NAV3: variants seen among roughly 807,000 people sequenced by gnomAD.
NAV3 encodes neuron navigator 3, also known as pore membrane and/or filament interacting like protein 1.
In NAV3, 87 loss-of-function variants were observed where a neutral mutation model predicts 244.7. The observed-to-expected ratio is 0.36, with a 90% CI of 0.30 to 0.42. The LOEUF (loss-of-function observed/expected upper bound fraction) is 0.42. NAV3 is among the 20% of genes least tolerant of loss of function. The probability of loss-of-function intolerance (pLI) is 1.00; values close to 1 mark genes in which losing one functional copy is unlikely to be tolerated. For missense variants in NAV3, 2,663 were observed against 2,893.3 expected (o/e 0.92, Z 1.83); for synonymous variants, 1,126 against 1,042.2 (o/e 1.08, Z -1.55).
At chr12:77,632,241 G>A (rs1413492021) in intron 2 of NAV3, among the ~76,000 whole-genome samples, 1 of 152,104 alleles carries the variant, frequency 6.6e-6, no homozygotes, top group African/African-American at 2.4e-5. Flanking sequence ...TGCTTTTGAT[G>A]TTCTTTGTAA....
intron 9 of NAV3, among the ~76,000 whole-genome samples, chr12:78,022,505 C>T (rs1455362754): frequency 6.6e-6 from 1 of 151,842 alleles, no homozygotes; most frequent in African/African-American, 2.4e-5. Context: ...AATATATTGC[C>T]CCTAAAGGGT....
chr12:78,114,392 A>C (rs1955263138), intron 12 of NAV3, among the ~76,000 whole-genome samples: 1 of 152,134 alleles, frequency 6.6e-6, no homozygotes, highest in South Asian at 2.1e-4. Context: ...GACATACCCA[A>C]GGCTGGGTAG....
intron 2 of NAV3, among the ~76,000 whole-genome samples, chr12:77,589,496 G>A (rs1022581686): frequency 7.2e-5 from 11 of 152,158 alleles, no homozygotes; most frequent in African/African-American, 2.7e-4. Context: ...GGGCTGGGGA[G>A]GCCTCAGGAA....
At chr12:77,909,833 A>G (rs543364366) in intron 1 of NAV3, among the ~76,000 whole-genome samples, 1 of 152,216 alleles carries the variant, frequency 6.6e-6, no homozygotes, top group South Asian at 2.1e-4. Context: ...TGGTATCACA[A>G]TTTACTTTAG....
At chr12:77,685,509 A>ACACACACC (rs1358509450) in intron 2 of NAV3, among the ~76,000 whole-genome samples, 1 of 150,460 alleles carries the variant, frequency 6.6e-6, no homozygotes, top group African/African-American at 2.5e-5. Context: ...ACACACACAT[A>ACACACACC]CCCACACGCA....
chr12:78,133,936 T>C (rs1410307621), intron 18 of NAV3, among the ~76,000 whole-genome samples: 1 of 152,188 alleles, frequency 6.6e-6, no homozygotes, highest in East Asian at 1.9e-4. Flanking sequence ...GAAGAGGTCA[T>C]AGTTCTTGTG....
intron 5 of NAV3, among the ~76,000 whole-genome samples, chr12:77,981,321 T>C (rs2136267083): frequency 6.6e-6 from 1 of 152,296 alleles, no homozygotes; most frequent in East Asian, 1.9e-4. Flanking sequence ...TTCTTAGTGC[T>C]AATAGCATGT....
chr12:77,734,110 T>A (rs1877238236), intron 2 of NAV3, among the ~76,000 whole-genome samples: 1 of 151,980 alleles, frequency 6.6e-6, no homozygotes, highest in Non-Finnish European at 1.5e-5. Flanking sequence ...TGGGATAGCA[T>A]CCAGAGTACA....
intron 2 of NAV3, among the ~76,000 whole-genome samples, chr12:77,766,151 G>A (rs191674151): frequency 1.3e-5 from 2 of 152,226 alleles, no homozygotes; most frequent in East Asian, 3.9e-4. Flanking sequence ...TCCCCTCCCA[G>A]CTAATAAAAA....
intron 2 of NAV3, among the ~76,000 whole-genome samples, chr12:77,716,176 A>G (rs1174079050): frequency 6.6e-6 from 1 of 152,012 alleles, no homozygotes; most frequent in East Asian, 1.9e-4. Flanking sequence ...TATTTTTTCT[A>G]AATAAGAGTT....
intron 1 of NAV3, among the ~76,000 whole-genome samples, chr12:77,893,894 A>C (rs938671948): frequency 1.3e-5 from 2 of 152,212 alleles, no homozygotes; most frequent in African/African-American, 2.4e-5. Context: ...GCTCTCCTCT[A>C]TCGAGTTACA....
intron 1 of NAV3, among the ~76,000 whole-genome samples, chr12:77,893,575 CAGAT>C (rs1051638535): frequency 3.2e-4 from 49 of 151,070 alleles, no homozygotes; most frequent in African/African-American, 1.0e-3. Context: ...TGAAAAAACT[CAGAT>C]AGCCAAACTA....
intron 24 of NAV3, among the ~76,000 whole-genome samples, chr12:78,174,032 T>G (rs1958117878): frequency 6.6e-6 from 1 of 151,748 alleles, no homozygotes; most frequent in Non-Finnish European, 1.5e-5. Context: ...GTATTAGTTT[T>G]TTGGAAACTG....
At chr12:77,633,598 A>G (rs1872015451) in intron 2 of NAV3, among the ~76,000 whole-genome samples, 1 of 152,144 alleles carries the variant, frequency 6.6e-6, no homozygotes, top group South Asian at 2.1e-4. Flanking sequence ...CACTTAAAAT[A>G]TTTAAGGAAA....
intron 8 of NAV3, among the ~76,000 whole-genome samples, chr12:78,013,714 G>T (rs577844975): frequency 6.6e-6 from 1 of 152,190 alleles, no homozygotes; most frequent in East Asian, 1.9e-4. Context: ...TCTTCAGTAT[G>T]TAAAATGGAT....
chr12:77,580,219 A>AAAACACAC (rs540863736), intron 2 of NAV3, among the ~76,000 whole-genome samples: 3,400 of 145,442 alleles, frequency 0.023, 43 homozygotes, highest in Middle Eastern at 0.041. Context: ...GTAGGGTGGG[A>AAAACACAC]ACACACACAC....
At chr12:77,626,271 G>C (rs1047068053) in intron 2 of NAV3, among the ~76,000 whole-genome samples, 2 of 151,542 alleles carry the variant, frequency 1.3e-5, no homozygotes, top group Non-Finnish European at 2.9e-5. Flanking sequence ...AGGTAAAAGA[G>C]TATGAAAAAA....
At chr12:77,961,928 C>A (rs1209968823) in intron 3 of NAV3, among the ~76,000 whole-genome samples, 2 of 151,692 alleles carry the variant, frequency 1.3e-5, no homozygotes, top group Non-Finnish European at 2.9e-5. Context: ...GATATTTGAG[C>A]ATTTGCTATT....
At chr12:77,846,115 G>C (rs1876597168) in intron 1 of NAV3, among the ~76,000 whole-genome samples, 1 of 152,258 alleles carries the variant, frequency 6.6e-6, no homozygotes, top group East Asian at 1.9e-4. Context: ...GCTGAGAAAT[G>C]AATTCACTCA....
Sources: allele counts gnomAD v4.1 joint callset (sites outside exome capture counted in the v4.1 genomes callset), GRCh38; gene constraint gnomAD v4.1.1; transcripts MANE v1.5; gene names NCBI Gene and HGNC (gene_info 2026-07-23, HGNC 2026-07-21).